Variants in PRR33 observed in about 807,000 individuals in gnomAD.
PRR33 encodes proline-rich protein 33.
In PRR33, 1 loss-of-function variant was observed where a neutral mutation model predicts 0.5. That is an observed-to-expected ratio of 2.18 (90% CI 0.77 to 10.34). PRR33 has a LOEUF of 10.34. Among genes scored for constraint, PRR33 ranks in the 30% most tolerant of loss-of-function variants. PRR33 has a pLI of 0.13. For missense variants in PRR33, 552 were observed against 251.8 expected, an observed-to-expected ratio of 2.19 and a Z score of -8.07; for synonymous variants, 226 against 110.0, an observed-to-expected ratio of 2.06 and a Z score of -6.60.
the PRR33 span, among the ~76,000 whole-genome samples, chr11:1,904,828 T>C: frequency 6.6e-6 from 1 of 151,592 alleles, no homozygotes; most frequent in Non-Finnish European, 1.5e-5. Context: ...TTTTAATCTC[T>C]GCAGAACCTG....
chr11:1,901,135 C>A, the PRR33 span, among the ~76,000 whole-genome samples: 585 of 152,242 alleles, frequency 3.8e-3, 7 homozygotes, highest in East Asian at 0.052. Context: ...TATGGTGAAA[C>A]CTCATCTCTA....
the PRR33 span, among the ~76,000 whole-genome samples, chr11:1,915,448 G>T: frequency 1.3e-5 from 2 of 149,652 alleles, no homozygotes; most frequent in South Asian, 4.3e-4. Context: ...ATGTTTCTGC[G>T]TGTGTGTGTA....
At chr11:1,914,346 G>A in the PRR33 span, among the ~76,000 whole-genome samples, 1 of 149,682 alleles carries the variant, frequency 6.7e-6, no homozygotes, top group Non-Finnish European at 1.5e-5. Flanking sequence ...TGTGTTGTAG[G>A]GTCACGCATC....
At chr11:1,905,595 C>T in the PRR33 span, among the ~76,000 whole-genome samples, 4 of 151,872 alleles carry the variant, frequency 2.6e-5, no homozygotes, top group African/African-American at 7.3e-5. Context: ...TGTGCCACCA[C>T]GCCTGGCTAA....
chr11:1,896,901 A>C, the PRR33 span, among the ~76,000 whole-genome samples: 1 of 152,328 alleles, frequency 6.6e-6, no homozygotes, highest in Middle Eastern at 3.4e-3. Flanking sequence ...AAAACCTTAG[A>C]CAAATTAAAT....
chr11:1,890,631 C>G, exon 1 of PRR33: 1 of 681,134 alleles, frequency 1.5e-6, no homozygotes. Flanking sequence ...CAGCCCTCCT[C>G]CCTCCTGAGG....
the PRR33 span, among the ~76,000 whole-genome samples, chr11:1,904,281 CA>C: frequency 6.6e-6 from 1 of 152,200 alleles, no homozygotes; most frequent in Non-Finnish European, 1.5e-5. Context: ...GTAATCCCAG[CA>C]CTTTGGGAGG....
chr11:1,897,973 A>G, the PRR33 span, among the ~76,000 whole-genome samples: 1,066 of 152,344 alleles, frequency 7.0e-3, 14 homozygotes, highest in African/African-American at 0.025. This position sits in a 1 kb window ranked among gnomAD's most constrained non-coding sequence, Gnocchi z 4.0. Context: ...AATAGATCAG[A>G]GAGTTAGCTG....
chr11:1,893,843 G>A (rs1359687754), upstream of PRR33, among the ~76,000 whole-genome samples: 1 of 151,256 alleles, frequency 6.6e-6, no homozygotes, highest in African/African-American at 2.4e-5. Flanking sequence ...GTAGATGAAA[G>A]GATGGATGAA....
the PRR33 span, among the ~76,000 whole-genome samples, chr11:1,902,347 G>A: frequency 6.6e-6 from 1 of 152,214 alleles, no homozygotes; most frequent in East Asian, 1.9e-4. Flanking sequence ...GACCCATTAA[G>A]GAATAAGGCA....
chr11:1,908,408 G>C, the PRR33 span, among the ~76,000 whole-genome samples: 161 of 139,780 alleles, frequency 1.2e-3, 1 homozygote, highest in Admixed American at 2.5e-3. Context: ...TTTTTTGTGA[G>C]AGTCAAACTC....
the PRR33 span, among the ~76,000 whole-genome samples, chr11:1,916,256 C>A: frequency 1.3e-5 from 2 of 152,114 alleles, no homozygotes; most frequent in South Asian, 4.1e-4. Context: ...AGGAGCAGCA[C>A]CCCAGACTCT....
the PRR33 span, among the ~76,000 whole-genome samples, chr11:1,898,553 C>A: frequency 3.3e-5 from 5 of 151,306 alleles, no homozygotes; most frequent in East Asian, 2.0e-4. Context: ...CATTTTAAAT[C>A]TTTGCCTCAT....
chr11:1,900,782 A>C, the PRR33 span, among the ~76,000 whole-genome samples: 7 of 152,338 alleles, frequency 4.6e-5, no homozygotes, highest in South Asian at 4.1e-4. Flanking sequence ...TTCACAAACA[A>C]TATCTCAAAT....
the PRR33 span, among the ~76,000 whole-genome samples, chr11:1,898,674 T>C: frequency 6.6e-6 from 1 of 152,150 alleles, no homozygotes; most frequent in Non-Finnish European, 1.5e-5. Flanking sequence ...AGCGATGTTG[T>C]TTGTGATTGA....
At chr11:1,898,891 C>T in the PRR33 span, among the ~76,000 whole-genome samples, 6 of 152,256 alleles carry the variant, frequency 3.9e-5, no homozygotes, top group South Asian at 1.2e-3. Context: ...ATCCCAGCTA[C>T]TTGGGAGGCT....
chr11:1,915,574 A>G, the PRR33 span, among the ~76,000 whole-genome samples: 1 of 15,528 alleles, frequency 6.4e-5, no homozygotes, highest in Admixed American at 1.2e-3. Flanking sequence ...CTGTGTGTGC[A>G]TGTGTTGGGG....
chr11:1,900,209 A>T, the PRR33 span, among the ~76,000 whole-genome samples: 411 of 152,212 alleles, frequency 2.7e-3, 3 homozygotes, highest in Non-Finnish European at 4.3e-3. Context: ...CTTCTTAAAT[A>T]CCAATTTTGT....
chr11:1,910,024 G>T, the PRR33 span, among the ~76,000 whole-genome samples: 1 of 151,684 alleles, frequency 6.6e-6, no homozygotes, highest in South Asian at 2.1e-4. Flanking sequence ...CAATGTGGTT[G>T]CTGTGTCCGG....
Sources: gnomAD v4.1 joint callset for allele counts (sites outside exome capture counted in the v4.1 genomes callset) on GRCh38, gnomAD v4.1.1 for gene constraint, Gnocchi (gnomAD v3.1) non-coding constraint, MANE v1.5 for transcripts, NCBI Gene and HGNC (gene_info 2026-07-23, HGNC 2026-07-21) for gene names.